ARRB1: variants seen among roughly 807,000 people sequenced by gnomAD.
ARRB1 encodes the protein arrestin beta 1.
A neutral mutation model predicts 56.8 loss-of-function variants in ARRB1; 21 were observed. That is an observed-to-expected ratio of 0.37 (90% CI 0.26 to 0.53). The LOEUF (loss-of-function observed/expected upper bound fraction) is 0.53. Ranked by LOEUF, ARRB1 falls within the 20% of genes least tolerant of loss-of-function variation. The pLI is 0.88. For missense variants in ARRB1, 424 were observed against 553.7 expected (o/e 0.77, Z 2.35); for synonymous variants, 210 against 218.6 (o/e 0.96, Z 0.35).
At chr11:75,289,166 G>A (rs2140437807) in intron 2 of ARRB1, among the ~76,000 whole-genome samples, 1 of 152,310 alleles carries the variant, frequency 6.6e-6, no homozygotes, top group Admixed American at 6.5e-5. Context: ...TGCCAACCCA[G>A]GCCAGCTCAT....
chr11:75,303,746 CCGTTCCAG>C, intron 1 of ARRB1: 2 of 453,478 alleles, frequency 4.4e-6, no homozygotes, highest in Admixed American at 4.7e-5. Flanking sequence ...GTGCCCAGTT[CCGTTCCAG>C]GCACCACCAG....
At chr11:75,309,758 A>G (rs1006152809) in intron 1 of ARRB1, among the ~76,000 whole-genome samples, 1 of 152,182 alleles carries the variant, frequency 6.6e-6, no homozygotes, top group African/African-American at 2.4e-5. Flanking sequence ...CATTTTAAAT[A>G]AATGCATTTC....
rs993398139 is a variant in ARRB1 at position 75,324,878 on chromosome 11, C to A, written c.20+26710G>T. 2.6e-5 allele frequency among the ~76,000 whole-genome samples: 4 copies of A among 152,102 alleles called. No individual in the cohort carries two copies. The South Asian group carries it at 6.2e-4, about 24-fold the overall frequency. ...TAGACTTTTCTGCCTCTCTAACCAC[C>A]CCCACCCCTGTCCCTGGGAGAAACC... is the stretch of plus-strand genomic sequence containing the variant. On this transcript the variant is annotated intron_variant, in intron 1 of 15. Transcript: ENST00000420843.
chr11:75,306,392 A>G (rs536852), intron 1 of ARRB1, among the ~76,000 whole-genome samples: 83,412 of 151,616 alleles, frequency 0.55, 23,715 homozygotes, highest in African/African-American at 0.7. Context: ...CCCCATCTCC[A>G]CCCCGCACTG....
intron 1 of ARRB1, among the ~76,000 whole-genome samples, chr11:75,307,242 G>C (rs546643819): frequency 6.6e-6 from 1 of 152,126 alleles, no homozygotes; most frequent in Non-Finnish European, 1.5e-5. Flanking sequence ...GGAGCGGAAG[G>C]GGTCAAAGTG....
intron 1 of ARRB1, among the ~76,000 whole-genome samples, chr11:75,296,683 T>C (rs1946757902): frequency 6.6e-6 from 1 of 151,790 alleles, no homozygotes; most frequent in Non-Finnish European, 1.5e-5. Context: ...GAATTTTTTT[T>C]CCTTTTTTTT....
At chr11:75,290,474 A>G (rs2060106865) in intron 1 of ARRB1, among the ~76,000 whole-genome samples, 1 of 151,860 alleles carries the variant, frequency 6.6e-6, no homozygotes, top group African/African-American at 2.4e-5. Context: ...CCTCGGGGAC[A>G]GTTCTCTTCT....
chr11:75,318,876 G>T (rs1947303826), intron 1 of ARRB1, among the ~76,000 whole-genome samples: 1 of 152,138 alleles, frequency 6.6e-6, no homozygotes, highest in African/African-American at 2.4e-5. Flanking sequence ...TCAAACAATA[G>T]TCAGGCCCTC....
intron 1 of ARRB1, among the ~76,000 whole-genome samples, chr11:75,318,775 C>G (rs1947302588): frequency 6.6e-6 from 1 of 152,074 alleles, no homozygotes; most frequent in African/African-American, 2.4e-5. Context: ...CTGCGCCCAA[C>G]ATAACTGTTG....
chr11:75,330,914 A>G (rs889136316), intron 1 of ARRB1, among the ~76,000 whole-genome samples: 70 of 152,374 alleles, frequency 4.6e-4, no homozygotes, highest in African/African-American at 1.6e-3. Context: ...CCATTCATTC[A>G]ACAAAAATAT....
chr11:75,275,790 G>A (rs1214248989), intron 10 of ARRB1, among the ~76,000 whole-genome samples: 1 of 152,112 alleles, frequency 6.6e-6, no homozygotes, highest in Non-Finnish European at 1.5e-5. Flanking sequence ...GCCCCACAGC[G>A]CTTCCTGAGA....
chr11:75,334,309 A>AG (rs983059542), intron 1 of ARRB1, among the ~76,000 whole-genome samples: 1 of 148,298 alleles, frequency 6.7e-6, no homozygotes, highest in African/African-American at 2.5e-5. Flanking sequence ...TCTCAAACAA[A>AG]AAAAAAAAAA....
chr11:75,340,046 G>A (rs995678564), intron 1 of ARRB1, among the ~76,000 whole-genome samples: 8 of 152,222 alleles, frequency 5.3e-5, no homozygotes, highest in Admixed American at 2.6e-4. Context: ...CACTCGGAGA[G>A]AGACACACCA....
chr11:75,286,363 G>A (rs1241803184), intron 3 of ARRB1, among the ~76,000 whole-genome samples: 1 of 135,940 alleles, frequency 7.4e-6, no homozygotes, highest in Non-Finnish European at 1.5e-5. Context: ...TGCCTCCTGG[G>A]TTCAAGCGAT....
At chr11:75,294,753 C>A (rs561441931) in intron 1 of ARRB1, among the ~76,000 whole-genome samples, 3 of 152,166 alleles carry the variant, frequency 2.0e-5, no homozygotes, top group Non-Finnish European at 4.4e-5. Context: ...TATCAGATTT[C>A]TCTGGTCCTA....
At chr11:75,342,335 C>A (rs944295159) in intron 1 of ARRB1, among the ~76,000 whole-genome samples, 5 of 152,202 alleles carry the variant, frequency 3.3e-5, no homozygotes, top group African/African-American at 1.2e-4. Context: ...CCCCCCTTCC[C>A]TCTGCTCTGG....
chr11:75,311,222 G>A (rs190267356), intron 1 of ARRB1, among the ~76,000 whole-genome samples: 166 of 152,300 alleles, frequency 1.1e-3, no homozygotes, highest in African/African-American at 3.9e-3. Flanking sequence ...TGTAATCCCA[G>A]CTACTTGGGA....
intron 1 of ARRB1, among the ~76,000 whole-genome samples, chr11:75,346,104 C>T (rs1947762499): frequency 6.6e-6 from 1 of 152,092 alleles, no homozygotes; most frequent in South Asian, 2.1e-4. Context: ...CCTCACCCCT[C>T]ACACTCCCAC....
chr11:75,293,609 C>A (rs1000024352), intron 1 of ARRB1, among the ~76,000 whole-genome samples: 20 of 152,192 alleles, frequency 1.3e-4, no homozygotes, highest in Non-Finnish European at 2.8e-4. Flanking sequence ...TGCCCCACAG[C>A]CTGATTCACA....
Sources: allele counts gnomAD v4.1 joint callset (sites outside exome capture counted in the v4.1 genomes callset), GRCh38; gene constraint gnomAD v4.1.1; transcripts MANE v1.5; gene names NCBI Gene and HGNC (gene_info 2026-07-23, HGNC 2026-07-21).